The following RCOR3 variants were observed in gnomAD, a reference collection of about 807,000 sequenced individuals.
RCOR3 encodes the protein REST corepressor 3.
Under a neutral mutation model 64.1 loss-of-function variants are expected in RCOR3, and 13 were observed. The observed-to-expected ratio is 0.20, with a 90% CI of 0.13 to 0.32. The LOEUF is 0.32. RCOR3 is among the 10% of genes least tolerant of loss of function. RCOR3 has a pLI of 1.00. For synonymous variants in RCOR3, 215 were observed against 239.0 expected, an observed-to-expected ratio of 0.90 and a Z score of 0.93; for missense variants, 489 against 701.2, an observed-to-expected ratio of 0.70 and a Z score of 3.42.
intron 9 of RCOR3, among the ~76,000 whole-genome samples, chr1:211,300,899 A>AAT (rs1700309130): frequency 6.6e-6 from 1 of 151,384 alleles, no homozygotes; most frequent in South Asian, 2.1e-4. Flanking sequence ...GGGAGACTCT[A>AAT]GTGTGTATGC....
Position 211,312,744 on chromosome 1 carries a change from T to G in RCOR3, c.1100T>G (p.Phe367Cys), listed in dbSNP as rs1391019256. ...VQGVRKYGKD[F>C]QAIADVIGNK... ...GGTGTCCGCAAATATGGTAAAGATT[T>G]TCAAGCTATTGCAGATGTAATTGGC... is the stretch of plus-strand genomic sequence containing the variant. The change falls in exon 11 of 12, where the codon TTT (phenylalanine) becomes TGT (cysteine). Residue 367 changes from phenylalanine (F) to cysteine (C), a missense_variant. By Grantham distance (205) the Phe-to-Cys change is radical. This residue lies in a region of RCOR3 where 402 missense variants were observed against 617.0 expected (regional missense o/e 0.65). Transcript: ENST00000419091. The surrounding 1 kb of genome is among the most constrained non-coding windows in gnomAD (Gnocchi z 5.0). 1.2e-6 allele frequency: 2 copies of G among 1,614,180 alleles called. No homozygotes were observed. The highest frequency in any genetic ancestry group is 2.2e-5 in the South Asian group (2 of 91,082).
chr1:211,306,015 TTAA>T (rs1407159315), intron 10 of RCOR3, among the ~76,000 whole-genome samples: 5 of 152,224 alleles, frequency 3.3e-5, no homozygotes, highest in Non-Finnish European at 7.4e-5. Context: ...AGGCACTTTC[TTAA>T]TAATGTGTTA....
At chr1:211,294,221 C>T (rs1571945889) in intron 8 of RCOR3, among the ~76,000 whole-genome samples, 1 of 152,188 alleles carries the variant, frequency 6.6e-6, no homozygotes, top group South Asian at 2.1e-4. Flanking sequence ...AAACATGTAG[C>T]AGCTACCTCA....
chr1:211,301,633 C>A (rs1303746574), intron 9 of RCOR3: 1 of 152,196 alleles, frequency 6.6e-6, no homozygotes, highest in Non-Finnish European at 1.5e-5. Context: ...CTTTCAGAAG[C>A]TTTTCCTATT....
chr1:211,261,866 G>C (rs1454426924), intron 2 of RCOR3, among the ~76,000 whole-genome samples: 2 of 122,392 alleles, frequency 1.6e-5, no homozygotes, highest in African/African-American at 6.1e-5. Context: ...GGAGGTTGCA[G>C]TGAGCCGAGA....
chr1:211,260,353 C>T (rs1191251755), intron 2 of RCOR3, among the ~76,000 whole-genome samples, 189 bp downstream of exon 2: 1 of 152,204 alleles, frequency 6.6e-6, no homozygotes, highest in Non-Finnish European at 1.5e-5. Context: ...GTGTGCACTG[C>T]AAGGTTAACA....
intron 10 of RCOR3, among the ~76,000 whole-genome samples, chr1:211,311,948 A>G (rs138861557): frequency 1.5e-4 from 23 of 152,300 alleles, no homozygotes; most frequent in African/African-American, 5.5e-4. Flanking sequence ...TTAACAATAA[A>G]TATCTCTTCT....
intron 7 of RCOR3, among the ~76,000 whole-genome samples, chr1:211,285,390 A>T (rs1276764997): frequency 6.6e-6 from 1 of 152,234 alleles, no homozygotes; most frequent in African/African-American, 2.4e-5. Flanking sequence ...GTCTCTGAGT[A>T]ATCTAACTTC....
At chr1:211,259,926 C>G (rs1693904096) in intron 1 of RCOR3, 182 bp from the exon 2 acceptor site, 3 of 770,238 alleles carry the variant, frequency 3.9e-6, no homozygotes, top group East Asian at 3.3e-5. Context: ...CCGCCTTTGC[C>G]CCCCCCCGCT....
intron 3 of RCOR3, among the ~76,000 whole-genome samples, chr1:211,272,065 T>G (rs1696277303): frequency 2.0e-5 from 3 of 152,250 alleles, no homozygotes; most frequent in Admixed American, 2.0e-4. Flanking sequence ...TATCCTATCA[T>G]GAATAGTAAG....
rs1485197821 is a variant in RCOR3 at position 211,316,134 on chromosome 1, AT to A, written c.*2370del. On this transcript the variant is annotated 3_prime_UTR_variant, in exon 12 of 12. Transcript: ENST00000419091. ...CAAAACTAGAAATCTTTTAATGACA[AT>A]TTTCATTAATTTCAGGGTTATCATT... 1 of 152,172 alleles carries A rather than the reference AT, an allele frequency of 6.6e-6. No individual in the cohort carries two copies. Among genetic ancestry groups the A allele is most frequent in the East Asian group, 1.9e-4 (1 of 5,194 alleles). The allele number at this position is 152,172 out of a possible 1,614,324, so 9.4% of individuals were successfully genotyped here. A position where few individuals can be genotyped will look rare whatever the true frequency, so the allele number is the denominator to read the frequency against.
intron 8 of RCOR3, chr1:211,291,594 C>A: frequency 2.2e-6 from 1 of 456,106 alleles, no homozygotes; most frequent in Non-Finnish European, 4.4e-6. Flanking sequence ...ATTCTGCTTA[C>A]AAAATGTAAG....
In RCOR3 at chr1:211,259,390, T is replaced by G. The variant is rs1272558068; in HGVS notation, c.-171T>G. 1.7e-6 allele frequency: 1 copy of G among 580,228 alleles called. No individual in the cohort carries two copies. Among genetic ancestry groups the G allele is most frequent in the Non-Finnish European group, 2.9e-6 (1 of 342,256 alleles). The allele number at this position is 580,228 out of a possible 1,614,324, so 35.9% of individuals were successfully genotyped here. On this transcript the variant is annotated 5_prime_UTR_variant, in exon 1 of 12. Coordinates refer to ENST00000419091, the MANE Select transcript of RCOR3 (RefSeq NM_001136223.3). Reference sequence around the variant, plus strand: ...GGTTGTTGTGAGGCGACTGCGCTACTGCCGGAGCGGGGCGGTTATGGCGGC... The same window carrying G: ...GGTTGTTGTGAGGCGACTGCGCTACGGCCGGAGCGGGGCGGTTATGGCGGC...
intron 6 of RCOR3, among the ~76,000 whole-genome samples, chr1:211,278,672 A>G (rs79966093): frequency 0.028 from 4,284 of 152,208 alleles, 80 homozygotes; most frequent in South Asian, 0.073. Flanking sequence ...CCCAAATGAT[A>G]TTTCTTTTTA....
At position 211,289,051 on chromosome 1, in the gene RCOR3, A is replaced by G. The variant is rs1002625805; in HGVS notation, c.721-127A>G. 18 of 685,196 alleles carry G rather than the reference A, an allele frequency of 2.6e-5. 1 individual carries two copies. The highest frequency in any genetic ancestry group is 2.4e-4 in the Admixed American group (10 of 41,462). The allele number at this position is 685,196 out of a possible 1,614,324, so 42.4% of individuals were successfully genotyped here. On this transcript the variant is annotated intron_variant, in intron 7 of 11. Transcript: ENST00000419091. ...GTGTGTATGGACTTGTACATAATAT[A>G]TAATTGGTTAGAAGTGTTTTTTTAT...
At chr1:211,276,500 C>CA (rs1295431757) in intron 5 of RCOR3, 82 bp downstream of exon 5, 6 of 1,188,886 alleles carry the variant, frequency 5.0e-6, no homozygotes, top group African/African-American at 4.6e-5. Flanking sequence ...TTATTAAATA[C>CA]AAAAACATTC....
intron 2 of RCOR3, among the ~76,000 whole-genome samples, chr1:211,264,111 C>CCACA (rs1278439947): frequency 6.6e-6 from 1 of 152,164 alleles, no homozygotes; most frequent in Non-Finnish European, 1.5e-5. Flanking sequence ...GGTTGAGCCA[C>CCACA]CACACCCTGC....
At chr1:211,279,200 A>T (rs1412023003) in intron 6 of RCOR3, 38 bp from the exon 7 acceptor site, 1 of 1,397,536 alleles carries the variant, frequency 7.2e-7, no homozygotes, top group Admixed American at 2.0e-5. Context: ...AAAAAAAAAA[A>T]AAGGGAATTA....
chr1:211,290,924 T>C (rs555756552), intron 8 of RCOR3, among the ~76,000 whole-genome samples: 115 of 152,288 alleles, frequency 7.6e-4, no homozygotes, highest in African/African-American at 2.7e-3. Context: ...CATGGTCATA[T>C]TTACATTTTC....
Sources: allele counts gnomAD v4.1 joint callset (sites outside exome capture counted in the v4.1 genomes callset), GRCh38; gene constraint gnomAD v4.1.1; regional missense constraint gnomAD v4.1.1; non-coding constraint Gnocchi (gnomAD v3.1); transcripts MANE v1.5; gene names NCBI Gene and HGNC (gene_info 2026-07-23, HGNC 2026-07-21).